PTPRR: variants seen among roughly 807,000 people sequenced by gnomAD.
PTPRR encodes protein tyrosine phosphatase receptor type R.
Under a neutral mutation model 77.2 loss-of-function variants are expected in PTPRR, and 38 were observed. That is an observed-to-expected ratio of 0.49 (90% CI 0.38 to 0.65). The LOEUF is 0.65. Ranked by LOEUF, PTPRR falls within the 30% of genes least tolerant of loss-of-function variation. The probability of loss-of-function intolerance (pLI) is 0.00; values close to 1 mark genes in which losing one functional copy is unlikely to be tolerated. For missense variants in PTPRR, 744 were observed against 799.2 expected (o/e 0.93, Z 0.83); for synonymous variants, 299 against 283.1 (o/e 1.06, Z -0.57).
chr12:70,821,510 C>T (rs1892012276), intron 2 of PTPRR, among the ~76,000 whole-genome samples: 1 of 151,796 alleles, frequency 6.6e-6, no homozygotes, highest in Non-Finnish European at 1.5e-5. Context: ...CAGGTGTGAG[C>T]CACTGTGCCC....
At chr12:70,786,723 G>A (rs773835106) in intron 2 of PTPRR, among the ~76,000 whole-genome samples, 118 of 152,288 alleles carry the variant, frequency 7.7e-4, no homozygotes, top group Middle Eastern at 3.4e-3. Context: ...TTCAATGGCT[G>A]TAATGGGATT....
At chr12:70,649,451 A>G (rs1886314022) in intron 13 of PTPRR, among the ~76,000 whole-genome samples, 2 of 152,138 alleles carry the variant, frequency 1.3e-5, no homozygotes, top group African/African-American at 4.8e-5. Context: ...GTAGAAAAGG[A>G]TAGAGGAAGG....
intron 10 of PTPRR, 56 bp from the exon 11 acceptor site, chr12:70,662,661 G>T: frequency 1.0e-6 from 1 of 1,000,584 alleles, no homozygotes; most frequent in Non-Finnish European, 1.5e-6. Flanking sequence ...TAGCCATGGA[G>T]TACTTTTCAT....
chr12:70,898,219 G>C (rs1893468046), intron 1 of PTPRR, among the ~76,000 whole-genome samples: 1 of 125,306 alleles, frequency 8.0e-6, no homozygotes. Context: ...AAAGCAATTA[G>C]AGAAACCTTA....
intron 1 of PTPRR, among the ~76,000 whole-genome samples, chr12:70,899,545 AC>A (rs1474865232): frequency 6.6e-6 from 1 of 151,414 alleles, no homozygotes; most frequent in Middle Eastern, 3.2e-3. Context: ...AAATTAAGTA[AC>A]CTAGAAATAG....
At chr12:70,811,336 T>C (rs1248145680) in intron 2 of PTPRR, among the ~76,000 whole-genome samples, 1 of 152,210 alleles carries the variant, frequency 6.6e-6, no homozygotes, top group African/African-American at 2.4e-5. Flanking sequence ...GTGAAATTCT[T>C]TGGGCAGCTT....
intron 2 of PTPRR, among the ~76,000 whole-genome samples, chr12:70,831,325 T>C (rs1313762149): frequency 6.6e-6 from 1 of 152,198 alleles, no homozygotes; most frequent in Non-Finnish European, 1.5e-5. Context: ...TATCAGAAGG[T>C]ACTACTTCAC....
chr12:70,685,473 C>CAAAAAAAAAAAAAAAAAAAAA (rs61205959), intron 8 of PTPRR, among the ~76,000 whole-genome samples: 4 of 60,976 alleles, frequency 6.6e-5, no homozygotes, highest in African/African-American at 1.4e-4. Flanking sequence ...GACTTCATCT[C>CAAAAAAAAAAAAAAAAAAAAA]AAAAAAAAAA....
chr12:70,853,892 A>G (rs1892611356), intron 2 of PTPRR, among the ~76,000 whole-genome samples: 1 of 152,174 alleles, frequency 6.6e-6, no homozygotes, highest in Admixed American at 6.5e-5. Context: ...TTTCTACCTT[A>G]CTCTTACTGT....
At chr12:70,649,073 A>T (rs562165922) in intron 13 of PTPRR, among the ~76,000 whole-genome samples, 1 of 152,206 alleles carries the variant, frequency 6.6e-6, no homozygotes, top group African/African-American at 2.4e-5. Context: ...GGAAATATCC[A>T]TTCAGCATAA....
chr12:70,748,095 G>A (rs1405174211), intron 5 of PTPRR, among the ~76,000 whole-genome samples: 5 of 152,074 alleles, frequency 3.3e-5, no homozygotes, highest in Non-Finnish European at 7.4e-5. Flanking sequence ...ACACACCCCC[G>A]CCAACAGAAA....
intron 6 of PTPRR, among the ~76,000 whole-genome samples, chr12:70,730,878 AAG>A (rs970692237): frequency 2.0e-5 from 3 of 147,010 alleles, no homozygotes; most frequent in African/African-American, 7.5e-5. Flanking sequence ...GAGATAGAGA[AAG>A]AGAGAGGAGG....
At chr12:70,877,008 T>C (rs7963769) in intron 2 of PTPRR, among the ~76,000 whole-genome samples, 17,953 of 152,096 alleles carry the variant, frequency 0.12, 1,922 homozygotes, top group African/African-American at 0.29. Flanking sequence ...TGAAAAGCTA[T>C]CACCAGGTAG....
intron 6 of PTPRR, among the ~76,000 whole-genome samples, chr12:70,727,015 G>A (rs1271913634): frequency 2.6e-5 from 4 of 152,144 alleles, no homozygotes; most frequent in Non-Finnish European, 5.9e-5. Context: ...GAATTTGGAA[G>A]AAAGAACATG....
intron 2 of PTPRR, among the ~76,000 whole-genome samples, chr12:70,836,410 A>G (rs998320451): frequency 6.6e-6 from 1 of 151,694 alleles, no homozygotes; most frequent in Non-Finnish European, 1.5e-5. Flanking sequence ...ACCTTCTACA[A>G]ATGTTTTCTT....
intron 10 of PTPRR, among the ~76,000 whole-genome samples, chr12:70,663,526 T>G (rs1297411640): frequency 6.6e-6 from 1 of 151,662 alleles, no homozygotes; most frequent in East Asian, 1.9e-4. Context: ...TGGCCCAAAG[T>G]GATTAGATCT....
intron 1 of PTPRR, among the ~76,000 whole-genome samples, chr12:70,913,075 C>A (rs912963438): frequency 6.6e-6 from 1 of 152,080 alleles, no homozygotes; most frequent in Non-Finnish European, 1.5e-5. Flanking sequence ...AATATAACAT[C>A]CGTGTTATCT....
At chr12:70,790,212 CAA>C (rs901713981) in intron 2 of PTPRR, among the ~76,000 whole-genome samples, 1 of 152,096 alleles carries the variant, frequency 6.6e-6, no homozygotes, top group Non-Finnish European at 1.5e-5. Context: ...ACAAAGGTCT[CAA>C]AAGAGTTGCC....
intron 2 of PTPRR, among the ~76,000 whole-genome samples, chr12:70,868,764 A>G (rs187012835): frequency 0.026 from 3,915 of 152,198 alleles, 60 homozygotes; most frequent in Middle Eastern, 0.041. Flanking sequence ...ACTATTCACA[A>G]TAGCAAAGAC....
Sources: allele counts gnomAD v4.1 joint callset (sites outside exome capture counted in the v4.1 genomes callset), GRCh38; gene constraint gnomAD v4.1.1; transcripts MANE v1.5; gene names NCBI Gene and HGNC (gene_info 2026-07-23, HGNC 2026-07-21).